Variants in PRDM5 observed in about 807,000 individuals in gnomAD.
PRDM5 encodes PR domain zinc finger protein 5.
In PRDM5, 56 loss-of-function variants were observed where a neutral mutation model predicts 81.2. The observed-to-expected ratio is 0.69, with a 90% CI of 0.56 to 0.86. The LOEUF (loss-of-function observed/expected upper bound fraction) is 0.86, where lower values mean the gene tolerates loss of function less well. Among genes scored for constraint, PRDM5 ranks in the 40% least tolerant of loss-of-function variants. The probability of loss-of-function intolerance (pLI) is 0.00; values close to 1 mark genes in which losing one functional copy is unlikely to be tolerated. For missense variants in PRDM5, 697 were observed against 770.1 expected (o/e 0.91, Z 1.12); for synonymous variants, 267 against 256.4 (o/e 1.04, Z -0.39).
chr4:120,847,685 G>A (rs1057094431), intron 3 of PRDM5, among the ~76,000 whole-genome samples: 5 of 152,228 alleles, frequency 3.3e-5, no homozygotes, highest in African/African-American at 4.8e-5. Flanking sequence ...GTTACATAAC[G>A]ATGGATAACT....
chr4:120,838,609 T>C (rs1019658224), intron 3 of PRDM5: 1 of 152,240 alleles, frequency 6.6e-6, no homozygotes, highest in African/African-American at 2.4e-5. Context: ...GATAAAACTG[T>C]TCCACCTCAG....
chr4:120,821,776 A>G (rs1285761032), intron 3 of PRDM5, among the ~76,000 whole-genome samples: 2 of 151,944 alleles, frequency 1.3e-5, no homozygotes, highest in Non-Finnish European at 2.9e-5. Flanking sequence ...GTTCTAACAC[A>G]AACCAGAGGA....
intron 14 of PRDM5, among the ~76,000 whole-genome samples, chr4:120,722,524 C>A (rs1462072260): frequency 6.6e-6 from 1 of 152,020 alleles, no homozygotes; most frequent in East Asian, 1.9e-4. Context: ...TGGCTCCACA[C>A]TTCCTACACA....
intron 1 of PRDM5, among the ~76,000 whole-genome samples, chr4:120,910,515 T>G (rs183124606): frequency 6.6e-6 from 1 of 152,310 alleles, no homozygotes; most frequent in African/African-American, 2.4e-5. Flanking sequence ...TAATTACAAT[T>G]TTATTTTTAT....
chr4:120,858,135 A>G (rs1054372353), intron 2 of PRDM5, among the ~76,000 whole-genome samples: 14 of 152,356 alleles, frequency 9.2e-5, no homozygotes, highest in African/African-American at 3.1e-4. Context: ...TTATTAAATA[A>G]AACATATTTC....
At chr4:120,805,784 A>G (rs1752826476) in intron 8 of PRDM5, among the ~76,000 whole-genome samples, 1 of 152,224 alleles carries the variant, frequency 6.6e-6, no homozygotes, top group Non-Finnish European at 1.5e-5. Flanking sequence ...CCCTTTGTAA[A>G]TTGGCATAAG....
chr4:120,742,391 T>A (rs1397486713), intron 14 of PRDM5, among the ~76,000 whole-genome samples: 2 of 152,184 alleles, frequency 1.3e-5, no homozygotes, highest in African/African-American at 4.8e-5. Context: ...TCCAAAGGAA[T>A]GCAGCTCCTC....
intron 8 of PRDM5, among the ~76,000 whole-genome samples, chr4:120,811,047 A>G (rs925069114): frequency 6.6e-6 from 1 of 152,166 alleles, no homozygotes; most frequent in African/African-American, 2.4e-5. Context: ...TTGTAAAGAA[A>G]ATATCTCATG....
downstream of PRDM5, among the ~76,000 whole-genome samples, chr4:120,688,822 C>A (rs2101890): frequency 0.17 from 26,234 of 152,086 alleles, 2,591 homozygotes; most frequent in Non-Finnish European, 0.24. Context: ...GTTCCATTGG[C>A]CTGTACATAT....
intron 2 of PRDM5, among the ~76,000 whole-genome samples, chr4:120,879,629 T>G (rs772511990): frequency 4.6e-5 from 7 of 152,220 alleles, no homozygotes; most frequent in Non-Finnish European, 8.8e-5. Context: ...ATACTGTACA[T>G]AATACACATA....
chr4:120,831,345 A>G (rs1309746087), intron 3 of PRDM5, among the ~76,000 whole-genome samples: 1 of 152,178 alleles, frequency 6.6e-6, no homozygotes, highest in East Asian at 1.9e-4. Flanking sequence ...TCAATTAGGA[A>G]GCTGCTGTCT....
intron 1 of PRDM5, among the ~76,000 whole-genome samples, chr4:120,917,942 C>T (rs923565515): frequency 6.6e-6 from 1 of 152,130 alleles, no homozygotes; most frequent in Admixed American, 6.5e-5. Flanking sequence ...TAACCTTCCT[C>T]AACATCACCT....
intron 15 of PRDM5, among the ~76,000 whole-genome samples, chr4:120,709,868 A>G (rs957565547): frequency 2.6e-5 from 4 of 152,228 alleles, no homozygotes; most frequent in Non-Finnish European, 5.9e-5. Flanking sequence ...TATTTAACAC[A>G]AAGGAGTTTA....
chr4:120,806,303 C>T (rs1385290078), intron 8 of PRDM5, among the ~76,000 whole-genome samples: 5 of 152,158 alleles, frequency 3.3e-5, no homozygotes, highest in Non-Finnish European at 5.9e-5. Flanking sequence ...AATGCCATCC[C>T]TATCAAGCTA....
intron 14 of PRDM5, among the ~76,000 whole-genome samples, chr4:120,721,415 G>T (rs181667415): frequency 6.6e-6 from 1 of 152,076 alleles, no homozygotes; most frequent in Admixed American, 6.6e-5. Context: ...CCTCTAATGC[G>T]CAACCAGAAG....
intron 14 of PRDM5, among the ~76,000 whole-genome samples, chr4:120,721,974 G>A (rs1024040268): frequency 2.6e-4 from 40 of 152,184 alleles, no homozygotes; most frequent in African/African-American, 6.0e-4. Flanking sequence ...AGAGTTGTCC[G>A]TCTTTGCAGA....
chr4:120,793,949 AT>A (rs202104057), intron 10 of PRDM5, among the ~76,000 whole-genome samples: 2,766 of 152,296 alleles, frequency 0.018, 33 homozygotes, highest in Middle Eastern at 0.031. Flanking sequence ...AAATAAAAAA[AT>A]AAGTAAAAAA....
intron 14 of PRDM5, among the ~76,000 whole-genome samples, chr4:120,723,629 A>T (rs1738951694): frequency 6.6e-6 from 1 of 152,152 alleles, no homozygotes; most frequent in Admixed American, 6.5e-5. Flanking sequence ...AAGAGAAAGA[A>T]ATATAAGGGA....
In PRDM5 at chr4:120,762,469, A is replaced by AG. The variant is rs1174472731; in HGVS notation, c.1538-7832dup. On this transcript the variant is annotated intron_variant, in intron 13 of 15. Transcript: ENST00000264808. ...CTTTACATTTTTTTCCATGAATATC[A>AG]GGGGACTGGCTTATTTTGCTTTTGT... 7 of 152,166 alleles carry AG rather than the reference A, an allele frequency of 4.6e-5. 1 individual carries two copies. Among genetic ancestry groups the AG allele is most frequent in the Admixed American group, 4.6e-4 (7 of 15,272 alleles). 9.4% of individuals were successfully genotyped at this position (152,166 alleles called of 1,614,324 possible). A position where few individuals can be genotyped will look rare whatever the true frequency, so the allele number is the denominator to read the frequency against.
Sources: gnomAD v4.1 joint callset for allele counts (sites outside exome capture counted in the v4.1 genomes callset) on GRCh38, gnomAD v4.1.1 for gene constraint, MANE v1.5 for transcripts, NCBI Gene and HGNC (gene_info 2026-07-23, HGNC 2026-07-21) for gene names.